GJC1: variants seen among roughly 807,000 people sequenced by gnomAD.
GJC1 encodes the protein gap junction gamma-1 protein.
A neutral mutation model predicts 29.3 loss-of-function variants in GJC1; 5 were observed. That is an observed-to-expected ratio of 0.17 (90% CI 0.09 to 0.36). The LOEUF is 0.36. Ranked by LOEUF, GJC1 falls within the 10% of genes least tolerant of loss-of-function variation. The pLI, the probability that GJC1 is intolerant of heterozygous loss-of-function variation, is 1.00. For missense variants in GJC1, 310 were observed against 496.2 expected, an observed-to-expected ratio of 0.62 and a Z score of 3.56; for synonymous variants, 177 against 183.3, an observed-to-expected ratio of 0.97 and a Z score of 0.28.
intron 1 of GJC1, among the ~76,000 whole-genome samples, chr17:44,810,121 C>G (rs1320542129): frequency 6.6e-6 from 1 of 151,918 alleles, no homozygotes; most frequent in Non-Finnish European, 1.5e-5. Context: ...CTCGGCCTCC[C>G]AAAATCCTGG....
Sources: gnomAD v4.1 joint callset for allele counts (sites outside exome capture counted in the v4.1 genomes callset) on GRCh38, gnomAD v4.1.1 for gene constraint, MANE v1.5 for transcripts, NCBI Gene and HGNC (gene_info 2026-07-23, HGNC 2026-07-21) for gene names.